DCT: variants seen among roughly 807,000 people sequenced by gnomAD.
The protein encoded by DCT is dopachrome tautomerase, also known as L-dopachrome tautomerase.
Under a neutral mutation model 53.0 loss-of-function variants are expected in DCT, and 47 were observed. The ratio of observed to expected loss-of-function variants is 0.89; its 90% confidence interval spans 0.70 to 1.13. The LOEUF (loss-of-function observed/expected upper bound fraction) is 1.13. DCT is among the 50% of genes most tolerant of loss of function. The pLI is 0.00. For missense variants in DCT, 669 were observed against 637.4 expected (o/e 1.05, Z -0.53); for synonymous variants, 244 against 237.0 (o/e 1.03, Z -0.27).
the DCT span, among the ~76,000 whole-genome samples, chr13:94,495,354 C>T: frequency 6.6e-6 from 1 of 152,180 alleles, no homozygotes; most frequent in Admixed American, 6.5e-5. Context: ...AGCTCGGCCT[C>T]TCCAAGGGCT....
chr13:94,506,050 A>G, the DCT span, among the ~76,000 whole-genome samples: 1 of 152,234 alleles, frequency 6.6e-6, no homozygotes, highest in African/African-American at 2.4e-5. Context: ...CTGTGAGATA[A>G]TACATGTATT....
chr13:94,513,987 CAA>C, the DCT span, among the ~76,000 whole-genome samples: 25 of 53,190 alleles, frequency 4.7e-4, no homozygotes, highest in African/African-American at 1.7e-3. Flanking sequence ...AACTCTGTCT[CAA>C]AAAAAAAAAA....
chr13:94,542,205 T>C, the DCT span, among the ~76,000 whole-genome samples: 3 of 152,190 alleles, frequency 2.0e-5, no homozygotes, highest in African/African-American at 7.2e-5. Context: ...ATCTCTTTTT[T>C]TGAGACAGGG....
intron 6 of DCT, among the ~76,000 whole-genome samples, chr13:94,455,675 G>A (rs1263082564): frequency 6.6e-6 from 1 of 152,200 alleles, no homozygotes; most frequent in Non-Finnish European, 1.5e-5. Context: ...ACAGAAAAAT[G>A]TTGCCAATTT....
At chr13:94,510,712 G>T in the DCT span, among the ~76,000 whole-genome samples, 1 of 152,118 alleles carries the variant, frequency 6.6e-6, no homozygotes, top group African/African-American at 2.4e-5. Flanking sequence ...CTTTCTCATG[G>T]CTTTTACCAC....
chr13:94,530,593 T>A, the DCT span, among the ~76,000 whole-genome samples: 1 of 152,178 alleles, frequency 6.6e-6, no homozygotes, highest in African/African-American at 2.4e-5. Context: ...TCAGCAGCAA[T>A]TCGTGCTAAA....
chr13:94,452,924 A>C (rs1256215207), intron 6 of DCT, among the ~76,000 whole-genome samples: 1 of 152,176 alleles, frequency 6.6e-6, no homozygotes, highest in Non-Finnish European at 1.5e-5. Flanking sequence ...CTGGAAAATT[A>C]GAAAAAAATT....
At position 94,439,650 on chromosome 13, in the gene DCT, C is replaced by T; in HGVS notation, c.*248G>A. ...TGGGGGGGGGGTTATTATTAGATAT[C>T]ACAAATTGTCAGGTCTATCTTTATT... On this transcript the variant is annotated 3_prime_UTR_variant, in exon 8 of 8. Transcript: ENST00000377028. 1 of 285,822 alleles carries T rather than the reference C, an allele frequency of 3.5e-6. No individual in the cohort carries two copies. The allele number at this position is 285,822 out of a possible 1,614,324, so 17.7% of individuals were successfully genotyped here. A position where few individuals can be genotyped will look rare whatever the true frequency, so the allele number is the denominator to read the frequency against.
chr13:94,497,291 C>T, the DCT span, among the ~76,000 whole-genome samples: 6 of 152,140 alleles, frequency 3.9e-5, no homozygotes, highest in East Asian at 1.9e-4. Flanking sequence ...AGTCTCCAGC[C>T]TGCCAGGCTA....
chr13:94,466,764 T>A, intron 2 of DCT, 106 bp from the exon 3 acceptor site: 1 of 578,796 alleles, frequency 1.7e-6, no homozygotes. Flanking sequence ...TGATGTTTTA[T>A]AGTAGTAAGA....
At chr13:94,501,849 C>A in the DCT span, among the ~76,000 whole-genome samples, 2 of 152,138 alleles carry the variant, frequency 1.3e-5, no homozygotes, top group Non-Finnish European at 2.9e-5. Context: ...TGAGCAGAGA[C>A]CATGTCAGGA....
At chr13:94,473,789 G>A (rs1428923776) in intron 1 of DCT, among the ~76,000 whole-genome samples, 2 of 152,198 alleles carry the variant, frequency 1.3e-5, no homozygotes, top group Non-Finnish European at 2.9e-5. Flanking sequence ...GGTAAAGAAA[G>A]CTTGTGTCTG....
At chr13:94,452,226 T>C (rs1883143117) in intron 6 of DCT, among the ~76,000 whole-genome samples, 1 of 152,098 alleles carries the variant, frequency 6.6e-6, no homozygotes. Context: ...AGAGACAAGG[T>C]TTCACCATGT....
At chr13:94,523,591 A>T in the DCT span, among the ~76,000 whole-genome samples, 1 of 152,142 alleles carries the variant, frequency 6.6e-6, no homozygotes, top group Non-Finnish European at 1.5e-5. Context: ...AGACTTTGGG[A>T]TAGGTTTGCA....
At chr13:94,498,236 G>A in the DCT span, among the ~76,000 whole-genome samples, 2 of 152,214 alleles carry the variant, frequency 1.3e-5, no homozygotes, top group East Asian at 3.9e-4. Context: ...GGTAGACCAA[G>A]CATAATAAGA....
At chr13:94,464,385 A>ATC (rs1884019900) in intron 4 of DCT, among the ~76,000 whole-genome samples, 1 of 152,214 alleles carries the variant, frequency 6.6e-6, no homozygotes, top group African/African-American at 2.4e-5. Flanking sequence ...TACACTTGTA[A>ATC]TCTCAGCACT....
intron 4 of DCT, among the ~76,000 whole-genome samples, chr13:94,463,971 C>T (rs1451970057): frequency 6.6e-5 from 10 of 152,164 alleles, no homozygotes; most frequent in African/African-American, 1.4e-4. Context: ...GAAAGCTTGA[C>T]GACATTCTAA....
At chr13:94,485,387 T>A in the DCT span, among the ~76,000 whole-genome samples, 1 of 152,064 alleles carries the variant, frequency 6.6e-6, no homozygotes, top group Non-Finnish European at 1.5e-5. Flanking sequence ...AGTCTGCTTG[T>A]CCACAATGGA....
the DCT span, among the ~76,000 whole-genome samples, chr13:94,536,235 C>G: frequency 7.2e-5 from 11 of 152,266 alleles, no homozygotes; most frequent in East Asian, 2.1e-3. Flanking sequence ...ATGCCATGTA[C>G]CAAAAGGCCT....
Sources: gnomAD v4.1 joint callset for allele counts (sites outside exome capture counted in the v4.1 genomes callset) on GRCh38, gnomAD v4.1.1 for gene constraint, MANE v1.5 for transcripts, NCBI Gene and HGNC (gene_info 2026-07-23, HGNC 2026-07-21) for gene names.